Variants in GCNT2 observed in about 807,000 individuals in gnomAD.
The protein encoded by GCNT2 is N-acetyllactosaminide beta-1,6-N-acetylglucosaminyl-transferase.
GCNT2 carries 34 observed loss-of-function variants against 34.2 expected under a neutral mutation model. The ratio of observed to expected loss-of-function variants is 1.00; its 90% confidence interval spans 0.76 to 1.32. The LOEUF is 1.32. Among genes scored for constraint, GCNT2 ranks in the 40% most tolerant of loss-of-function variants. The pLI is 0.00. For missense variants in GCNT2, 584 were observed against 489.4 expected, an observed-to-expected ratio of 1.19 and a Z score of -1.82; for synonymous variants, 212 against 188.0, an observed-to-expected ratio of 1.13 and a Z score of -1.04.
intron 3 of GCNT2, among the ~76,000 whole-genome samples, chr6:10,559,072 C>CT (rs55637072): frequency 0.19 from 23,354 of 122,458 alleles, 1,978 homozygotes; most frequent in Middle Eastern, 0.26. Flanking sequence ...TAAATTGTTG[C>CT]TTTTTTTTTT....
intron 3 of GCNT2, among the ~76,000 whole-genome samples, chr6:10,619,866 T>G (rs535011679): frequency 6.6e-6 from 1 of 152,340 alleles, no homozygotes; most frequent in East Asian, 1.9e-4. Context: ...CTTTTCTAGC[T>G]TCTAGAGGCC....
At chr6:10,557,961 G>C (rs1169848702) in intron 3 of GCNT2, 1 of 152,302 alleles carries the variant, frequency 6.6e-6, no homozygotes, top group Non-Finnish European at 1.5e-5. Flanking sequence ...CTCTAAATTT[G>C]TCAGGCTTGC....
chr6:10,562,674 A>AAC (rs1561801743), intron 3 of GCNT2, among the ~76,000 whole-genome samples: 1 of 150,190 alleles, frequency 6.7e-6, no homozygotes, highest in East Asian at 1.9e-4. Flanking sequence ...AAAAAAAAAA[A>AAC]AAACAAAAAA....
At chr6:10,590,545 T>A (rs1764588463) in intron 3 of GCNT2, among the ~76,000 whole-genome samples, 1 of 148,094 alleles carries the variant, frequency 6.8e-6, no homozygotes. Context: ...CCCACACTTC[T>A]GCAATTTTCA....
rs1387571547 is a variant in GCNT2, at chr6:10,628,585, A to C, written c.*1978A>C. On this transcript the variant is annotated 3_prime_UTR_variant, in exon 5 of 5. Transcript: ENST00000495262. Reference sequence around the variant, plus strand: ...AAGCACAAACTGCCATTGGCTATAGATGGGACTGTGTCCCCCCAAAATTCA... The same window carrying C: ...AAGCACAAACTGCCATTGGCTATAGCTGGGACTGTGTCCCCCCAAAATTCA... 2.6e-5 allele frequency: 4 copies of C among 152,228 alleles called. No homozygotes were observed. The highest frequency in any genetic ancestry group is 5.9e-5 in the Non-Finnish European group (4 of 68,048). The allele number at this position is 152,228 out of a possible 1,614,324, so 9.4% of individuals were successfully genotyped here.
At chr6:10,533,562 C>T (rs936093283) in intron 3 of GCNT2, among the ~76,000 whole-genome samples, 2 of 151,322 alleles carry the variant, frequency 1.3e-5, no homozygotes, top group Non-Finnish European at 2.9e-5. Context: ...CCGAGGTGGG[C>T]GGATCACTTG....
intron 3 of GCNT2, among the ~76,000 whole-genome samples, chr6:10,531,448 A>C (rs1290679613): frequency 6.6e-6 from 1 of 152,220 alleles, no homozygotes; most frequent in Non-Finnish European, 1.5e-5. Context: ...GGGGCTTCTA[A>C]AAATAACTAA....
Position 10,529,104 on chromosome 6 carries a change from T to C in GCNT2, c.193T>C (p.Leu65=), listed in dbSNP as rs374505996. 2.5e-6 allele frequency: 4 copies of C among 1,614,140 alleles called. No homozygotes were observed. Among genetic ancestry groups the C allele is most frequent in the Non-Finnish European group, 2.5e-6 (3 of 1,179,982 alleles). The change falls in exon 3 of 5, where the codon TTG becomes CTG. Residue 65 remains leucine, a synonymous_variant. Coordinates refer to ENST00000495262, the MANE Select transcript of GCNT2 (RefSeq NM_145649.5). Reference sequence around the variant, plus strand: ...AGTTTTTTACCCAACAGAAAATGCATTGAAAACTACCCTTGATGAAGCTAC... The same window carrying C: ...AGTTTTTTACCCAACAGAAAATGCACTGAAAACTACCCTTGATGAAGCTAC... ...GKVFYPTENA[L]KTTLDEATCY...
Position 10,530,135 on chromosome 6 carries a change from G to A in GCNT2, c.925+299G>A, listed in dbSNP as rs1465485347. 7.2e-5 allele frequency: 22 copies of A among 307,528 alleles called. No individual in the cohort carries two copies. The East Asian group carries it at 1.7e-3, about 23-fold the overall frequency. 19.0% of individuals were successfully genotyped at this position (307,528 alleles called of 1,614,324 possible). A position where few individuals can be genotyped will look rare whatever the true frequency, so the allele number is the denominator to read the frequency against. On this transcript the variant is annotated intron_variant, in intron 3 of 4. Coordinates refer to ENST00000495262, the MANE Select transcript of GCNT2 (RefSeq NM_145649.5). ...ACAGCACTTTGGGAGGCGGAGGCAG[G>A]TGGATCACTTGAGGTCAGGAGTTTG...
At chr6:10,612,591 AG>A (rs1259883861) in intron 3 of GCNT2, among the ~76,000 whole-genome samples, 3 of 152,246 alleles carry the variant, frequency 2.0e-5, no homozygotes, top group Non-Finnish European at 2.9e-5. Context: ...ATTTTATTAA[AG>A]GGATTATATT....
chr6:10,595,034 G>A (rs575106501), intron 3 of GCNT2, among the ~76,000 whole-genome samples: 3 of 151,948 alleles, frequency 2.0e-5, no homozygotes, highest in South Asian at 4.2e-4. Flanking sequence ...TTGTCGAGTC[G>A]GGGTTTTACT....
chr6:10,581,616 C>A (rs1764071828), intron 3 of GCNT2: 1 of 251,626 alleles, frequency 4.0e-6, no homozygotes, highest in Non-Finnish European at 6.3e-6. Context: ...ATAAATCATG[C>A]TGCCACTCCC....
At chr6:10,622,118 A>G (rs1306669471) in intron 4 of GCNT2, among the ~76,000 whole-genome samples, 2 of 152,222 alleles carry the variant, frequency 1.3e-5, no homozygotes, top group African/African-American at 4.8e-5. Context: ...TACACTAGCA[A>G]GAAGGGTTCC....
At chr6:10,605,836 A>T (rs557452004) in intron 3 of GCNT2, among the ~76,000 whole-genome samples, 3 of 152,124 alleles carry the variant, frequency 2.0e-5, no homozygotes, top group Non-Finnish European at 4.4e-5. Context: ...GCTTGAAAAA[A>T]GTTTTTTTGT....
chr6:10,549,553 ATC>A (rs1166305534), intron 3 of GCNT2, among the ~76,000 whole-genome samples: 13 of 107,702 alleles, frequency 1.2e-4, no homozygotes, highest in South Asian at 2.8e-4. Flanking sequence ...TTCTCTCTCA[ATC>A]TCTCTCTCTT....
rs34015959 is a variant in GCNT2, at chr6:10,614,625, C to CAA, written c.926-6707_926-6706dup. 6.5e-3 allele frequency among the ~76,000 whole-genome samples: 683 copies of CAA among 105,874 alleles called. 6 individuals carry two copies. Among genetic ancestry groups the CAA allele is most frequent in the African/African-American group, 0.026 (555 of 21,466 alleles). 69.5% of individuals were successfully genotyped at this position (105,874 alleles called of 152,430 possible). ...TGGGCAACAGAGCAAGACTCTGTCT[C>CAA]AAAAAAAAAAAAAAAAAAAAGAGAA... On this transcript the variant is annotated intron_variant, in intron 3 of 4. Coordinates refer to ENST00000495262, the MANE Select transcript of GCNT2 (RefSeq NM_145649.5).
Position 10,535,187 on chromosome 6 carries a change from AACAAAAACAG to A in GCNT2, c.925+5361_925+5370del, listed in dbSNP as rs1456395179. On this transcript the variant is annotated intron_variant, in intron 3 of 4. Coordinates refer to ENST00000495262, the MANE Select transcript of GCNT2 (RefSeq NM_145649.5). The stretch of plus-strand genomic sequence containing the variant: ...TGACAGAGCGAGACTCCATCTCAAA[AACAAAAACAG>A]ACAAAAACATGGTCCATCCAGCAGG... 1.4e-4 allele frequency among the ~76,000 whole-genome samples: 22 copies of A among 152,234 alleles called. No homozygotes were observed. The East Asian group carries it at 4.2e-3, about 29-fold the overall frequency.
chr6:10,524,281 G>T (rs368321151), intron 1 of GCNT2, among the ~76,000 whole-genome samples: 2 of 141,530 alleles, frequency 1.4e-5, no homozygotes, highest in Non-Finnish European at 1.5e-5. Context: ...ACGGAGTTTC[G>T]CTCTTGTTGC....
At chr6:10,564,552 C>T (rs2127389099) in intron 3 of GCNT2, among the ~76,000 whole-genome samples, 1 of 152,310 alleles carries the variant, frequency 6.6e-6, no homozygotes, top group South Asian at 2.1e-4. Flanking sequence ...CATCTGTCAA[C>T]CTTGGTCTTA....
Sources: gnomAD v4.1 joint callset for allele counts (sites outside exome capture counted in the v4.1 genomes callset) on GRCh38, gnomAD v4.1.1 for gene constraint, MANE v1.5 for transcripts, NCBI Gene and HGNC (gene_info 2026-07-23, HGNC 2026-07-21) for gene names.